Variants in SFXN5 observed in about 807,000 individuals in gnomAD.
The protein encoded by SFXN5 is sideroflexin 5.
SFXN5 carries 43 observed loss-of-function variants against 50.2 expected under a neutral mutation model. The ratio of observed to expected loss-of-function variants is 0.86; its 90% CI spans 0.67 to 1.11. SFXN5 has a LOEUF of 1.11. SFXN5 is among the 50% of genes least tolerant of loss of function. The pLI, the probability that SFXN5 is intolerant of heterozygous loss-of-function variation, is 0.00. For missense variants in SFXN5, 463 were observed against 454.1 expected (o/e 1.02, Z -0.18); for synonymous variants, 203 against 185.8 (o/e 1.09, Z -0.75).
At chr2:72,946,599 C>T (rs889642917) in intron 13 of SFXN5, among the ~76,000 whole-genome samples, 21 of 152,236 alleles carry the variant, frequency 1.4e-4, no homozygotes, top group African/African-American at 3.1e-4. Context: ...GTCTCACAGG[C>T]GCCTGAACTC....
intron 3 of SFXN5, among the ~76,000 whole-genome samples, chr2:73,034,847 C>A (rs546365447): frequency 1.1e-3 from 165 of 152,342 alleles, no homozygotes; most frequent in South Asian, 9.1e-3. Flanking sequence ...TTACCCCACA[C>A]AATGCATCCA....
At chr2:72,966,901 T>C (rs1417958439) in intron 12 of SFXN5, among the ~76,000 whole-genome samples, 1 of 152,208 alleles carries the variant, frequency 6.6e-6, no homozygotes, top group Non-Finnish European at 1.5e-5. Flanking sequence ...ACCACCCTTA[T>C]AAACACACAG....
chr2:72,977,875 G>A (rs62148130), intron 10 of SFXN5, among the ~76,000 whole-genome samples: 22,402 of 151,442 alleles, frequency 0.15, 1,888 homozygotes, highest in East Asian at 0.32. Context: ...TCAGGAGGCT[G>A]AGGCAAGAGA....
chr2:73,030,782 A>C (rs1390988219), intron 3 of SFXN5, among the ~76,000 whole-genome samples: 1 of 152,180 alleles, frequency 6.6e-6, no homozygotes, highest in Non-Finnish European at 1.5e-5. Context: ...TGCTATTACA[A>C]ATCATGTTCT....
chr2:73,062,895 A>C (rs1266384908), intron 1 of SFXN5, among the ~76,000 whole-genome samples: 1 of 152,140 alleles, frequency 6.6e-6, no homozygotes, highest in Non-Finnish European at 1.5e-5. Context: ...TGAAAGCATA[A>C]AGCTTAGGAT....
rs978673077 is a variant in SFXN5 at position 72,953,164 on chromosome 2, G to A, written c.945+7967C>T. ...GGGAACAGGCAAAATGACAGGTGGC[G>A]TTGGCGTTCCTGGGCTCTGAGCGGC... On this transcript the variant is annotated intron_variant, in intron 13 of 13. Transcript: ENST00000272433. The surrounding 1 kb of genome is among the most constrained non-coding windows in gnomAD (Gnocchi z 4.1). Among the ~76,000 whole-genome samples the A allele has an allele frequency of 1.3e-5, 2 of 152,140 alleles. No homozygotes were observed. Among genetic ancestry groups the A allele is most frequent in the Non-Finnish European group, 2.9e-5 (2 of 68,048 alleles).
chr2:73,026,832 G>A (rs886981028), intron 3 of SFXN5, among the ~76,000 whole-genome samples: 7 of 152,002 alleles, frequency 4.6e-5, no homozygotes, highest in East Asian at 1.9e-4. Flanking sequence ...AGGTTCAAGC[G>A]ATTCTCCTGC....
intron 1 of SFXN5, among the ~76,000 whole-genome samples, chr2:73,064,924 C>T (rs1030749224): frequency 6.6e-6 from 1 of 152,178 alleles, no homozygotes; most frequent in Non-Finnish European, 1.5e-5. Context: ...GTGGCTGGGA[C>T]TACAAGCATG....
intron 3 of SFXN5, among the ~76,000 whole-genome samples, chr2:73,032,847 G>A (rs1286734687): frequency 6.6e-6 from 1 of 152,208 alleles, no homozygotes; most frequent in Admixed American, 6.5e-5. Flanking sequence ...TAATTTATCA[G>A]TTGGGCCAAT....
At chr2:73,063,933 T>C (rs1477639042) in intron 1 of SFXN5, among the ~76,000 whole-genome samples, 1 of 152,230 alleles carries the variant, frequency 6.6e-6, no homozygotes, top group Non-Finnish European at 1.5e-5. Flanking sequence ...CTCCCATCTT[T>C]ACCCAATCGC....
intron 13 of SFXN5, among the ~76,000 whole-genome samples, chr2:72,955,894 G>A (rs1259149687): frequency 6.6e-6 from 1 of 152,246 alleles, no homozygotes; most frequent in Non-Finnish European, 1.5e-5. Flanking sequence ...GAGGCACCCA[G>A]CACCAGCCCC....
chr2:73,006,397 G>A (rs569490157), intron 6 of SFXN5, among the ~76,000 whole-genome samples: 2 of 152,280 alleles, frequency 1.3e-5, no homozygotes, highest in Admixed American at 6.5e-5. Flanking sequence ...CAAGGCAGGC[G>A]GATCACCTGA....
chr2:73,010,163 T>C (rs1400552288), intron 6 of SFXN5, among the ~76,000 whole-genome samples: 1 of 152,232 alleles, frequency 6.6e-6, no homozygotes, highest in East Asian at 1.9e-4. Flanking sequence ...TTCTTACTAA[T>C]AGAATCCTTA....
chr2:72,982,896 C>T (rs1226497604), intron 10 of SFXN5, among the ~76,000 whole-genome samples: 1 of 152,192 alleles, frequency 6.6e-6, no homozygotes, highest in Non-Finnish European at 1.5e-5. Flanking sequence ...CAAGAGCAGG[C>T]CAGGTCAAAG....
chr2:72,949,124 G>A (rs1010684311), intron 13 of SFXN5, among the ~76,000 whole-genome samples: 14 of 152,280 alleles, frequency 9.2e-5, no homozygotes, highest in Middle Eastern at 6.8e-3. Context: ...CTTGCTGGGT[G>A]AAGAAAAAAA....
At chr2:73,005,613 G>A (rs1475034773) in intron 6 of SFXN5, among the ~76,000 whole-genome samples, 1 of 152,174 alleles carries the variant, frequency 6.6e-6, no homozygotes, top group Non-Finnish European at 1.5e-5. Context: ...CTCCCATGTA[G>A]TTCTTTCCTG....
chr2:73,069,558 T>C (rs988189373), intron 1 of SFXN5, among the ~76,000 whole-genome samples: 1 of 152,296 alleles, frequency 6.6e-6, no homozygotes, highest in Admixed American at 6.5e-5. Flanking sequence ...ACGTGCTTTA[T>C]GCAGGCCACT....
intron 9 of SFXN5, among the ~76,000 whole-genome samples, chr2:72,990,800 G>A (rs1672498850): frequency 6.6e-6 from 1 of 152,316 alleles, no homozygotes; most frequent in East Asian, 1.9e-4. Context: ...TCCACCTGAG[G>A]GAGGGATGCT....
intron 6 of SFXN5, among the ~76,000 whole-genome samples, chr2:73,004,686 C>T (rs1037553712): frequency 4.6e-5 from 7 of 151,956 alleles, no homozygotes; most frequent in African/African-American, 1.5e-4. Flanking sequence ...CACCGAGCTG[C>T]ATCGGCCAAA....
Sources: gnomAD v4.1 joint callset for allele counts (sites outside exome capture counted in the v4.1 genomes callset) on GRCh38, gnomAD v4.1.1 for gene constraint, Gnocchi (gnomAD v3.1) non-coding constraint, MANE v1.5 for transcripts, NCBI Gene and HGNC (gene_info 2026-07-23, HGNC 2026-07-21) for gene names.